Variants in NPAS3 observed in about 807,000 individuals in gnomAD.
NPAS3 encodes the protein neuronal PAS domain protein 3, also known as neuronal PAS domain-containing protein 3.
A neutral mutation model predicts 73.1 loss-of-function variants in NPAS3; 14 were observed. That is an observed-to-expected ratio of 0.19 (90% CI 0.13 to 0.30). The LOEUF (loss-of-function observed/expected upper bound fraction) is 0.30. Ranked by LOEUF, NPAS3 falls within the 10% of genes least tolerant of loss-of-function variation. The pLI, the probability that NPAS3 is intolerant of heterozygous loss-of-function variation, is 1.00. For missense variants in NPAS3, 1,096 were observed against 1,250.0 expected (o/e 0.88, Z 1.86); for synonymous variants, 620 against 541.5 (o/e 1.14, Z -2.01).
chr14:33,705,820 A>G (rs1215499845), intron 6 of NPAS3, among the ~76,000 whole-genome samples: 1 of 152,234 alleles, frequency 6.6e-6, no homozygotes, highest in Non-Finnish European at 1.5e-5. Flanking sequence ...CTTGTCTTCT[A>G]TTTTCATAAG....
chr14:33,658,392 T>C (rs2059211011), intron 5 of NPAS3, among the ~76,000 whole-genome samples: 1 of 152,236 alleles, frequency 6.6e-6, no homozygotes, highest in Non-Finnish European at 1.5e-5. Context: ...TTAACTTAGT[T>C]GGTCTGTTTC....
intron 5 of NPAS3, among the ~76,000 whole-genome samples, chr14:33,561,155 T>C (rs1358920004): frequency 6.6e-6 from 1 of 152,190 alleles, no homozygotes; most frequent in East Asian, 1.9e-4. Flanking sequence ...AAGCTAGAGA[T>C]AGAGATAAGA....
At chr14:33,562,477 G>A (rs1176580673) in intron 5 of NPAS3, among the ~76,000 whole-genome samples, 1 of 152,186 alleles carries the variant, frequency 6.6e-6, no homozygotes, top group East Asian at 1.9e-4. Context: ...GAGGCTATGA[G>A]ATAGGAGACA....
In NPAS3 at chr14:33,716,806, G is replaced by A. The variant is rs186976065; in HGVS notation, c.734-18408G>A. 1.1e-4 allele frequency among the ~76,000 whole-genome samples: 16 copies of A among 151,964 alleles called. No individual in the cohort carries two copies. In the East Asian group the frequency reaches 2.3e-3, roughly 22 times the overall value. On this transcript the variant is annotated intron_variant, in intron 6 of 11. Transcript: ENST00000356141. Reference sequence around the variant, plus strand: ...CTTTTTGTTGCTGTTGTTTCTGAGCGCCGCCCCCACCCGACGATGGCTCAT... The same window carrying A: ...CTTTTTGTTGCTGTTGTTTCTGAGCACCGCCCCCACCCGACGATGGCTCAT...
chr14:33,402,806 G>T (rs1316518092), intron 4 of NPAS3, among the ~76,000 whole-genome samples: 1 of 152,142 alleles, frequency 6.6e-6, no homozygotes, highest in African/African-American at 2.4e-5. Context: ...TTGGGCACTG[G>T]CCCAGAGCCC....
chr14:33,355,303 C>T (rs942326897), intron 3 of NPAS3, among the ~76,000 whole-genome samples: 2 of 152,162 alleles, frequency 1.3e-5, no homozygotes, highest in South Asian at 2.1e-4. Flanking sequence ...CCAAGTAAAC[C>T]GTTGCTCTTT....
intron 3 of NPAS3, among the ~76,000 whole-genome samples, chr14:33,338,341 T>A (rs945766787): frequency 5.3e-5 from 8 of 152,188 alleles, no homozygotes; most frequent in African/African-American, 1.9e-4. Flanking sequence ...ACTGGAGAGT[T>A]CTTTTTAAGT....
At chr14:33,438,512 CAAG>C (rs779475650) in intron 4 of NPAS3, among the ~76,000 whole-genome samples, 5 of 152,166 alleles carry the variant, frequency 3.3e-5, no homozygotes, top group Admixed American at 6.5e-5. Context: ...GAATCAGAGA[CAAG>C]GAGGGTATTA....
At chr14:33,059,893 G>C (rs2041032912) in intron 2 of NPAS3, among the ~76,000 whole-genome samples, 1 of 152,074 alleles carries the variant, frequency 6.6e-6, no homozygotes, top group Admixed American at 6.6e-5. Flanking sequence ...CGAACTCCTG[G>C]GCTCAAGCTC....
chr14:32,951,100 C>T (rs1218644670), intron 1 of NPAS3, among the ~76,000 whole-genome samples: 1 of 152,066 alleles, frequency 6.6e-6, no homozygotes, highest in Non-Finnish European at 1.5e-5. Flanking sequence ...GGCATAAATC[C>T]TGGTCACCAG....
intron 3 of NPAS3, among the ~76,000 whole-genome samples, chr14:33,267,908 C>T (rs967462812): frequency 2.0e-5 from 3 of 152,188 alleles, no homozygotes; most frequent in Admixed American, 1.3e-4. Context: ...GTCGTACTCA[C>T]TCTAGTTCCT....
At chr14:33,792,581 CAAAAAAA>C (rs199708187) in intron 9 of NPAS3, among the ~76,000 whole-genome samples, 45 of 126,214 alleles carry the variant, frequency 3.6e-4, no homozygotes, top group Admixed American at 2.0e-3. Context: ...CACCCCCCTC[CAAAAAAA>C]AAAAAAAAAA....
intron 4 of NPAS3, among the ~76,000 whole-genome samples, chr14:33,420,767 G>T (rs1417228316): frequency 1.3e-5 from 2 of 151,882 alleles, no homozygotes; most frequent in African/African-American, 4.8e-5. Context: ...ATATTCTACA[G>T]ATTTGTTTAT....
At chr14:33,786,098 G>C (rs981257299) in intron 9 of NPAS3, among the ~76,000 whole-genome samples, 23 of 152,162 alleles carry the variant, frequency 1.5e-4, no homozygotes, top group African/African-American at 4.8e-4. Flanking sequence ...ACTGTATCTG[G>C]CTTAAACAAT....
At chr14:32,935,019 T>C, upstream of NPAS3, 1 of 1,292,932 alleles carries the variant, frequency 7.7e-7, no homozygotes, top group Admixed American at 3.3e-5. Context: ...TAGTCCCGCC[T>C]GGGCTGGGAT....
At chr14:33,087,743 G>C (rs746051074) in intron 2 of NPAS3, among the ~76,000 whole-genome samples, 6 of 152,134 alleles carry the variant, frequency 3.9e-5, no homozygotes, top group Non-Finnish European at 8.8e-5. Context: ...TCATTGAATA[G>C]AGAGTGAAAA....
intron 1 of NPAS3, among the ~76,000 whole-genome samples, chr14:32,968,921 C>T (rs1274788289): frequency 1.3e-5 from 2 of 152,120 alleles, no homozygotes; most frequent in South Asian, 2.1e-4. Context: ...AGCTATTCTT[C>T]CTGATGCTCT....
intron 3 of NPAS3, among the ~76,000 whole-genome samples, chr14:33,274,124 C>A (rs2041223031): frequency 6.6e-6 from 1 of 152,144 alleles, no homozygotes. Context: ...ACAGGAAACG[C>A]AAGTGTGGTA....
intron 6 of NPAS3, among the ~76,000 whole-genome samples, chr14:33,692,575 C>A (rs1231511274): frequency 6.6e-6 from 1 of 151,986 alleles, no homozygotes; most frequent in Non-Finnish European, 1.5e-5. Context: ...CACTTAAAAG[C>A]CTTTTGTAGA....
Sources: allele counts gnomAD v4.1 joint callset (sites outside exome capture counted in the v4.1 genomes callset), GRCh38; gene constraint gnomAD v4.1.1; transcripts MANE v1.5; gene names NCBI Gene and HGNC (gene_info 2026-07-23, HGNC 2026-07-21).